DDR2: variants seen among roughly 807,000 people sequenced by gnomAD.
DDR2 encodes discoidin domain-containing receptor 2.
A neutral mutation model predicts 94.9 loss-of-function variants in DDR2; 27 were observed. The observed-to-expected ratio is 0.28, with a 90% confidence interval of 0.21 to 0.39. The LOEUF is 0.39. Ranked by LOEUF, DDR2 falls within the 10% of genes least tolerant of loss-of-function variation. The probability of loss-of-function intolerance (pLI) is 1.00; values close to 1 mark genes in which losing one functional copy is unlikely to be tolerated. For missense variants in DDR2, 783 were observed against 1,076.0 expected (o/e 0.73, Z 3.81); for synonymous variants, 382 against 377.2 (o/e 1.01, Z -0.15).
intron 3 of DDR2, among the ~76,000 whole-genome samples, chr1:162,721,751 T>C (rs1661432963): frequency 6.6e-6 from 1 of 152,186 alleles, no homozygotes; most frequent in African/African-American, 2.4e-5. Context: ...AATGGCCACA[T>C]GATATAACAA....
chr1:162,729,793 G>T (rs911327151), intron 3 of DDR2, among the ~76,000 whole-genome samples: 1 of 151,364 alleles, frequency 6.6e-6, no homozygotes, highest in Admixed American at 6.6e-5. Flanking sequence ...ACCCAGGCTG[G>T]AGTGCAATGG....
chr1:162,733,912 A>T (rs186366674), intron 3 of DDR2, among the ~76,000 whole-genome samples: 50 of 152,210 alleles, frequency 3.3e-4, no homozygotes, highest in Non-Finnish European at 6.6e-4. Context: ...AGTATTTTCC[A>T]TAGCTTCGTC....
Position 162,682,768 on chromosome 1 carries a change from C to T in DDR2, c.-28+27394C>T, listed in dbSNP as rs61811974. On this transcript the variant is annotated intron_variant, in intron 2 of 17. Transcript: ENST00000367921. ...AAACAATGTATTTACTTATGTTTAA[C>T]ACATGTAATTACTGATGTTTAACTT... Among the ~76,000 whole-genome samples, 834 of 152,202 alleles carry T rather than the reference C, an allele frequency of 5.5e-3. 5 individuals are homozygous for T. Among genetic ancestry groups the T allele is most frequent in the Admixed American group, 8.8e-3 (135 of 15,286 alleles).
At position 162,697,323 on chromosome 1, in the gene DDR2, A is replaced by G. The variant is rs148028525; in HGVS notation, c.-27-21714A>G. Among the ~76,000 whole-genome samples the G allele has an allele frequency of 1.3e-4, 20 of 152,330 alleles. No individual in the cohort carries two copies. In the South Asian group the frequency reaches 2.1e-3, roughly 16 times the overall value. On this transcript the variant is annotated intron_variant, in intron 2 of 17. Coordinates refer to ENST00000367921, the MANE Select transcript of DDR2 (RefSeq NM_006182.4). The stretch of plus-strand genomic sequence containing the variant: ...GCCCAGGTGATCTCTTCAGTGGGTC[A>G]TAAAATCTGAGTCATAAGAACCTCA...
chr1:162,645,672 A>G (rs980453051), intron 1 of DDR2, among the ~76,000 whole-genome samples: 1 of 152,200 alleles, frequency 6.6e-6, no homozygotes, highest in Non-Finnish European at 1.5e-5. Context: ...AAGTATGTTG[A>G]ACAAATTGTT....
chr1:162,660,537 GC>G (rs1221592924), intron 2 of DDR2, among the ~76,000 whole-genome samples: 5 of 152,190 alleles, frequency 3.3e-5, no homozygotes, highest in African/African-American at 1.2e-4. Flanking sequence ...TTTGAGACTT[GC>G]TGGTCTCCAG....
At chr1:162,662,568 A>C (rs2101922458) in intron 2 of DDR2, among the ~76,000 whole-genome samples, 1 of 152,232 alleles carries the variant, frequency 6.6e-6, no homozygotes, top group Admixed American at 6.5e-5. Flanking sequence ...ATACTTTTTT[A>C]CCCTTAGTGC....
rs565063904 is a variant in DDR2, at chr1:162,689,011, G to T, written c.-27-30026G>T. 2.6e-5 allele frequency among the ~76,000 whole-genome samples: 4 copies of T among 152,200 alleles called. No homozygotes were observed. In the South Asian group the frequency reaches 6.2e-4, roughly 24 times the overall value. ...CGGGAAAATTGTGCACACTTTTGTT[G>T]TGTGACTTAGGTTCTTTAACTCAGG... On this transcript the variant is annotated intron_variant, in intron 2 of 17. Transcript: ENST00000367921.
chr1:162,744,699 T>G (rs1247564052), intron 3 of DDR2, among the ~76,000 whole-genome samples: 1 of 152,028 alleles, frequency 6.6e-6, no homozygotes, highest in East Asian at 1.9e-4. Context: ...TTTTTAAAGC[T>G]GAATAAGATT....
At position 162,784,639 on chromosome 1, in the gene DDR2, T is replaced by C. The variant is rs1471507698; in HGVS notation, c.*4393T>C. On this transcript the variant is annotated 3_prime_UTR_variant, in exon 18 of 18. Transcript: ENST00000367921. ...ATTTCTGGCATTCTGAGTTTTCTGCTACAATTAGCTGCATTACTTGGTGCC... is the reference window on the plus strand; with the variant it reads ...ATTTCTGGCATTCTGAGTTTTCTGCCACAATTAGCTGCATTACTTGGTGCC... 5 of 152,254 alleles carry C rather than the reference T, an allele frequency of 3.3e-5. No individual in the cohort carries two copies. Among genetic ancestry groups the C allele is most frequent in the Admixed American group, 2.6e-4 (4 of 15,274 alleles). The allele number at this position is 152,254 out of a possible 1,614,324, so 9.4% of individuals were successfully genotyped here. A position where few individuals can be genotyped will look rare whatever the true frequency, so the allele number is the denominator to read the frequency against.
At chr1:162,667,736 A>G (rs1658653368) in intron 2 of DDR2, among the ~76,000 whole-genome samples, 1 of 152,202 alleles carries the variant, frequency 6.6e-6, no homozygotes, top group African/African-American at 2.4e-5. Flanking sequence ...ATGAGGCAGG[A>G]GAATGACAAA....
intron 3 of DDR2, among the ~76,000 whole-genome samples, chr1:162,730,340 G>A (rs1661978814): frequency 6.6e-6 from 1 of 152,164 alleles, no homozygotes; most frequent in Non-Finnish European, 1.5e-5. Context: ...AGGCCTTCAT[G>A]CTTGTTCCTA....
At chr1:162,657,185 A>T (rs1658032423) in intron 2 of DDR2, among the ~76,000 whole-genome samples, 1 of 152,034 alleles carries the variant, frequency 6.6e-6, no homozygotes, top group Non-Finnish European at 1.5e-5. Context: ...TAGAATATTC[A>T]AGGCATATGC....
chr1:162,748,631 A>G (rs2102111784), intron 3 of DDR2, among the ~76,000 whole-genome samples: 1 of 152,324 alleles, frequency 6.6e-6, no homozygotes, highest in South Asian at 2.1e-4. Context: ...CCAGGACTTG[A>G]ACTCAGCTCT....
chr1:162,735,166 G>T (rs966653393), intron 3 of DDR2, among the ~76,000 whole-genome samples: 9 of 152,156 alleles, frequency 5.9e-5, no homozygotes, highest in Non-Finnish European at 1.2e-4. Context: ...TCCTCTCCAA[G>T]AATTCTATTT....
At position 162,781,436 on chromosome 1, in the gene DDR2, G is replaced by A. The variant is rs1489665279; in HGVS notation, c.*1190G>A. ...GCACTCAGAACATACAAGGATAAAT[G>A]GGCTGCCACCAGAGGTGAGGAGTCT... is the stretch of plus-strand genomic sequence containing the variant. On this transcript the variant is annotated 3_prime_UTR_variant, in exon 18 of 18. Coordinates refer to ENST00000367921, the MANE Select transcript of DDR2 (RefSeq NM_006182.4). 1 of 152,202 alleles carries A rather than the reference G, an allele frequency of 6.6e-6. No homozygotes were observed. Among genetic ancestry groups the A allele is most frequent in the Admixed American group, 6.5e-5 (1 of 15,284 alleles). 9.4% of individuals were successfully genotyped at this position (152,202 alleles called of 1,614,324 possible).
intron 3 of DDR2, among the ~76,000 whole-genome samples, chr1:162,727,971 A>ATC (rs1661785538): frequency 4.9e-5 from 7 of 142,714 alleles, no homozygotes; most frequent in East Asian, 4.0e-4. Flanking sequence ...CTATATATAT[A>ATC]TATATAGATA....
At chr1:162,762,978 A>T (rs1310921401) in intron 9 of DDR2, among the ~76,000 whole-genome samples, 3 of 152,132 alleles carry the variant, frequency 2.0e-5, no homozygotes, top group Non-Finnish European at 4.4e-5. Context: ...CTGGGATTAC[A>T]GGTGCCTGCC....
intron 2 of DDR2, among the ~76,000 whole-genome samples, chr1:162,679,369 C>T (rs1024027226): frequency 6.6e-6 from 1 of 151,680 alleles, no homozygotes; most frequent in African/African-American, 2.4e-5. Context: ...AAGAGAAACA[C>T]ACAAATTTTC....
Sources: allele counts gnomAD v4.1 joint callset (sites outside exome capture counted in the v4.1 genomes callset), GRCh38; gene constraint gnomAD v4.1.1; transcripts MANE v1.5; gene names NCBI Gene and HGNC (gene_info 2026-07-23, HGNC 2026-07-21).